The following TIMP3 variants were observed in gnomAD, a reference collection of about 807,000 sequenced individuals.
TIMP3 encodes the protein metalloproteinase inhibitor 3.
In TIMP3, 11 loss-of-function variants were observed where a neutral mutation model predicts 30.0. The ratio of observed to expected loss-of-function variants is 0.37; its 90% CI spans 0.23 to 0.61. The LOEUF (loss-of-function observed/expected upper bound fraction) is 0.61. Ranked by LOEUF, TIMP3 falls within the 20% of genes least tolerant of loss-of-function variation. The probability of loss-of-function intolerance (pLI) is 0.70; values close to 1 mark genes in which losing one functional copy is unlikely to be tolerated. For synonymous variants in TIMP3, 112 were observed against 111.3 expected (o/e 1.01, Z -0.04); for missense variants, 181 against 276.8 (o/e 0.65, Z 2.45).
rs73885115 is a variant in TIMP3 at position 32,837,221 on chromosome 22, G to C, written c.122-12231G>C. Among the ~76,000 whole-genome samples, 1,447 of 152,334 alleles carry C rather than the reference G, an allele frequency of 9.5e-3. 24 individuals are homozygous for C. Among genetic ancestry groups the C allele is most frequent in the African/African-American group, 0.034 (1,393 of 41,564 alleles). On this transcript the variant is annotated intron_variant, in intron 1 of 4. Coordinates refer to ENST00000266085, the MANE Select transcript of TIMP3 (RefSeq NM_000362.5). This position sits in a 1 kb window ranked among gnomAD's most constrained non-coding sequence, Gnocchi z 4.1. ...GTATTTTTCTGGGCACTGCTTCAAAGGGGCTGTGGTTGAAGACCATGCTGC... is the reference window on the plus strand; with the variant it reads ...GTATTTTTCTGGGCACTGCTTCAAACGGGCTGTGGTTGAAGACCATGCTGC...
At chr22:32,806,798 ATCTC>A (rs1445414534) in intron 1 of TIMP3, among the ~76,000 whole-genome samples, 4 of 146,568 alleles carry the variant, frequency 2.7e-5, no homozygotes, top group Non-Finnish European at 4.6e-5. Context: ...CTATCTATCT[ATCTC>A]TCTATCTAAA....
intron 1 of TIMP3, among the ~76,000 whole-genome samples, chr22:32,807,415 CA>C (rs1426936746): frequency 6.8e-5 from 7 of 103,192 alleles, no homozygotes; most frequent in Non-Finnish European, 1.2e-4. Context: ...ATTATATTTA[CA>C]TATATATTAT....
rs1034684890 is a variant in TIMP3, at chr22:32,859,739, G to C, written c.*362G>C. The C allele has an allele frequency of 7.2e-6, 2 of 278,000 alleles. No homozygotes were observed. The highest frequency in any genetic ancestry group is 4.5e-5 in the African/African-American group (2 of 44,384). The allele number at this position is 278,000 out of a possible 1,614,324, so 17.2% of individuals were successfully genotyped here. On this transcript the variant is annotated 3_prime_UTR_variant, in exon 5 of 5. Coordinates refer to ENST00000266085, the MANE Select transcript of TIMP3 (RefSeq NM_000362.5). ...GAGGATTGTAATTCCCACCCCTCTT[G>C]CTTCTTCCCCACCTCACCATCTCCC...
chr22:32,815,202 C>G (rs9606996), intron 1 of TIMP3, among the ~76,000 whole-genome samples: 11 of 152,278 alleles, frequency 7.2e-5, no homozygotes, highest in African/African-American at 2.4e-4. Context: ...TGGGGCTGTT[C>G]GAGGTACTTT....
chr22:32,843,471 C>A (rs1002387225), intron 1 of TIMP3, among the ~76,000 whole-genome samples: 1 of 152,218 alleles, frequency 6.6e-6, no homozygotes, highest in African/African-American at 2.4e-5. Flanking sequence ...TCCAGGCCGA[C>A]CTCCCTGTGG....
At chr22:32,849,936 T>C (rs1186843963) in intron 2 of TIMP3, among the ~76,000 whole-genome samples, 1 of 151,926 alleles carries the variant, frequency 6.6e-6, no homozygotes, top group Admixed American at 6.6e-5. Context: ...TCTGACTATC[T>C]GGGACTCAAC....
intron 1 of TIMP3, chr22:32,833,914 TATTGTAATC>T (rs2047652839): frequency 2.0e-6 from 1 of 496,662 alleles, no homozygotes; most frequent in Admixed American, 2.0e-5. Flanking sequence ...TTAGAATTAG[TATTGTAATC>T]ATTGACAATA....
At chr22:32,833,418 A>AT (rs2047636355) in intron 1 of TIMP3, among the ~76,000 whole-genome samples, 1 of 152,184 alleles carries the variant, frequency 6.6e-6, no homozygotes, top group South Asian at 2.1e-4. Flanking sequence ...CCAAAGGAGA[A>AT]TTTTTTTATA....
chr22:32,830,629 G>C (rs78161683), intron 1 of TIMP3, among the ~76,000 whole-genome samples: 2 of 152,168 alleles, frequency 1.3e-5, no homozygotes, highest in South Asian at 2.1e-4. Flanking sequence ...AGGAATTCTC[G>C]TTGGAAAACA....
chr22:32,855,687 G>A (rs1407699405), intron 2 of TIMP3, among the ~76,000 whole-genome samples: 2 of 152,124 alleles, frequency 1.3e-5, no homozygotes, highest in East Asian at 3.9e-4. Context: ...TCTTTGTTCT[G>A]GGGGCTGTCC....
In TIMP3 at chr22:32,861,004, G is replaced by A. The variant is rs951822383; in HGVS notation, c.*1627G>A. The A allele has an allele frequency of 1.3e-5, 2 of 151,546 alleles. No homozygotes were observed. Among genetic ancestry groups the A allele is most frequent in the Non-Finnish European group, 2.9e-5 (2 of 67,926 alleles). The allele number at this position is 151,546 out of a possible 1,614,324, so 9.4% of individuals were successfully genotyped here. ...GTTTTAGTGTCAAAAGTGAGATGCT[G>A]AGAGTAGGTGATAATGTATATTTTA... On this transcript the variant is annotated 3_prime_UTR_variant, in exon 5 of 5. Transcript: ENST00000266085.
chr22:32,803,199 C>T (rs1411761411), intron 1 of TIMP3, among the ~76,000 whole-genome samples: 1 of 151,884 alleles, frequency 6.6e-6, no homozygotes, highest in Non-Finnish European at 1.5e-5. Context: ...GTGGGACAGC[C>T]TTGCCGCCCT....
At chr22:32,804,451 A>G (rs1243995017) in intron 1 of TIMP3, among the ~76,000 whole-genome samples, 1 of 152,178 alleles carries the variant, frequency 6.6e-6, no homozygotes, top group East Asian at 1.9e-4. Context: ...ACACAACCCC[A>G]CCAGTCAACT....
intron 2 of TIMP3, among the ~76,000 whole-genome samples, chr22:32,852,300 C>T (rs1181190033): frequency 2.0e-5 from 3 of 152,190 alleles, no homozygotes; most frequent in Non-Finnish European, 4.4e-5. Flanking sequence ...TTCCTACCCA[C>T]TTTGGGGTAT....
chr22:32,803,290 G>C (rs1016208365), intron 1 of TIMP3, among the ~76,000 whole-genome samples: 2 of 152,034 alleles, frequency 1.3e-5, no homozygotes, highest in Admixed American at 6.5e-5. Flanking sequence ...ATTTTCCACT[G>C]AGTCTTGGGT....
At chr22:32,840,200 T>A (rs946239900) in intron 1 of TIMP3, among the ~76,000 whole-genome samples, 24 of 152,164 alleles carry the variant, frequency 1.6e-4, no homozygotes, top group Admixed American at 1.6e-3. Context: ...TGTCTTTGGG[T>A]TTATTTTTAG....
chr22:32,831,687 T>G (rs891634734), intron 1 of TIMP3, among the ~76,000 whole-genome samples: 5 of 152,216 alleles, frequency 3.3e-5, no homozygotes, highest in African/African-American at 1.2e-4. Context: ...AAGACCTTAC[T>G]TGGCATTAAC....
At position 32,862,770 on chromosome 22, in the gene TIMP3, T is replaced by C. The variant is rs1424525214; in HGVS notation, c.*3393T>C. The C allele has an allele frequency of 1.3e-5, 2 of 152,610 alleles. No individual in the cohort carries two copies. The highest frequency in any genetic ancestry group is 2.4e-5 in the African/African-American group (1 of 41,458). 9.5% of individuals were successfully genotyped at this position (152,610 alleles called of 1,614,324 possible). A position where few individuals can be genotyped will look rare whatever the true frequency, so the allele number is the denominator to read the frequency against. On this transcript the variant is annotated 3_prime_UTR_variant, in exon 5 of 5. Coordinates refer to ENST00000266085, the MANE Select transcript of TIMP3 (RefSeq NM_000362.5). ...AGTTTTTGCTTTGGGGGTAGAGGCT[T>C]CTTAGATTCTCCCAGCATCCGCCTT...
intron 2 of TIMP3, among the ~76,000 whole-genome samples, chr22:32,854,666 C>CATTCATATA (rs1411072038): frequency 6.6e-6 from 1 of 152,188 alleles, no homozygotes; most frequent in African/African-American, 2.4e-5. Context: ...AGAGAGGCAC[C>CATTCATATA]ATTCACATAG....
Sources: gnomAD v4.1 joint callset for allele counts (sites outside exome capture counted in the v4.1 genomes callset) on GRCh38, gnomAD v4.1.1 for gene constraint, Gnocchi (gnomAD v3.1) non-coding constraint, MANE v1.5 for transcripts, NCBI Gene and HGNC (gene_info 2026-07-23, HGNC 2026-07-21) for gene names.